Variants in RYR3 observed in about 807,000 individuals in gnomAD.
RYR3 encodes the protein ryanodine receptor 3.
A neutral mutation model predicts 584.3 loss-of-function variants in RYR3; 207 were observed. The ratio of observed to expected loss-of-function variants is 0.35; its 90% CI spans 0.32 to 0.40. RYR3 has a LOEUF of 0.40. RYR3 is among the 10% of genes least tolerant of loss of function. The probability of loss-of-function intolerance (pLI) is 1.00; values close to 1 mark genes in which losing one functional copy is unlikely to be tolerated. For synonymous variants in RYR3, 2,416 were observed against 2,248.5 expected, an observed-to-expected ratio of 1.07 and a Z score of -2.11; for missense variants, 5,616 against 6,089.2, an observed-to-expected ratio of 0.92 and a Z score of 2.59.
rs2152874195 is a variant in RYR3, at chr15:33,764,176, C to T, written c.8706-4482C>T. 2.0e-5 allele frequency among the ~76,000 whole-genome samples: 3 copies of T among 152,200 alleles called. 1 individual carries two copies. Among genetic ancestry groups the T allele is most frequent in the Admixed American group, 2.0e-4 (3 of 15,282 alleles). ...ACAATAGCAAAGACTTGGAACCAAC[C>T]CAGATGCCCATCAGTGATAGACTGG... On this transcript the variant is annotated intron_variant, in intron 60 of 103. Transcript: ENST00000634891.
At chr15:33,496,549 G>A (rs1263228968) in intron 2 of RYR3, among the ~76,000 whole-genome samples, 1 of 152,086 alleles carries the variant, frequency 6.6e-6, no homozygotes, top group Admixed American at 6.5e-5. Flanking sequence ...AAGCAAAGGG[G>A]GGAGACAAGG....
chr15:33,439,835 ATAT>A (rs1567240064), intron 1 of RYR3, among the ~76,000 whole-genome samples: 1 of 152,252 alleles, frequency 6.6e-6, no homozygotes, highest in African/African-American at 2.4e-5. Flanking sequence ...AGTTATGGTA[ATAT>A]TATCTATCAT....
At chr15:33,861,037 T>G (rs1179779678) in intron 101 of RYR3, 41 bp from the exon 102 acceptor site, 5 of 1,408,942 alleles carry the variant, frequency 3.5e-6, no homozygotes, top group Non-Finnish European at 4.9e-6. Context: ...CCTGCCTATA[T>G]TATGCCAACA....
chr15:33,619,624 T>C (rs1226423508), intron 19 of RYR3, among the ~76,000 whole-genome samples: 1 of 152,210 alleles, frequency 6.6e-6, no homozygotes. Context: ...AAGAACAATT[T>C]TGTCAGTAAT....
chr15:33,364,350 G>A (rs572218802), intron 1 of RYR3, among the ~76,000 whole-genome samples: 4 of 152,124 alleles, frequency 2.6e-5, no homozygotes, highest in South Asian at 4.2e-4. Context: ...TGGAACAAAA[G>A]GCTTCTATAG....
At chr15:33,812,618 C>T (rs1268373577) in intron 72 of RYR3, among the ~76,000 whole-genome samples, 5 of 151,686 alleles carry the variant, frequency 3.3e-5, no homozygotes, top group African/African-American at 1.2e-4. Context: ...GGAAATCATC[C>T]AAAATGCAAC....
intron 1 of RYR3, among the ~76,000 whole-genome samples, chr15:33,433,522 AAGAT>A (rs1263383736): frequency 6.6e-6 from 1 of 151,804 alleles, no homozygotes; most frequent in Non-Finnish European, 1.5e-5. Context: ...ACAATTAGGG[AAGAT>A]AGATTAGTAA....
At chr15:33,481,943 T>A (rs1028827967) in intron 2 of RYR3, among the ~76,000 whole-genome samples, 9 of 152,100 alleles carry the variant, frequency 5.9e-5, no homozygotes, top group Admixed American at 5.9e-4. Flanking sequence ...AACACATTTT[T>A]ATTTTTGTTT....
chr15:33,324,396 A>G (rs1440013599), intron 1 of RYR3, among the ~76,000 whole-genome samples: 2 of 152,216 alleles, frequency 1.3e-5, no homozygotes, highest in East Asian at 3.8e-4. Context: ...ACAGAGTCCA[A>G]ACATCACTAA....
At chr15:33,598,688 G>C (rs1355219044) in intron 16 of RYR3, among the ~76,000 whole-genome samples, 5 of 151,436 alleles carry the variant, frequency 3.3e-5, no homozygotes, top group African/African-American at 1.2e-4. Flanking sequence ...CCATAAAGGA[G>C]TTACCTGCCT....
intron 99 of RYR3, 169 bp downstream of exon 99, chr15:33,858,083 G>C (rs2079893567): frequency 1.1e-6 from 1 of 903,536 alleles, no homozygotes; most frequent in African/African-American, 1.7e-5. Flanking sequence ...AAACAGGAGA[G>C]TGTCCTGGGA....
chr15:33,511,935 C>T (rs1056457279), intron 3 of RYR3, among the ~76,000 whole-genome samples: 1 of 152,096 alleles, frequency 6.6e-6, no homozygotes, highest in Non-Finnish European at 1.5e-5. Context: ...CCCGCCACCA[C>T]GCCCGGCTAA....
chr15:33,516,929 T>C (rs1198005176), intron 3 of RYR3, among the ~76,000 whole-genome samples: 1 of 152,146 alleles, frequency 6.6e-6, no homozygotes, highest in African/African-American at 2.4e-5. Context: ...TGGGTTACCA[T>C]GTTTACAGAA....
At chr15:33,372,084 A>G (rs2040372603) in intron 1 of RYR3, among the ~76,000 whole-genome samples, 1 of 152,134 alleles carries the variant, frequency 6.6e-6, no homozygotes, top group Admixed American at 6.5e-5. Flanking sequence ...TGTGCTGACT[A>G]CTCTATATGA....
At chr15:33,594,849 T>C (rs2059295669) in intron 16 of RYR3, among the ~76,000 whole-genome samples, 2 of 152,210 alleles carry the variant, frequency 1.3e-5, no homozygotes. Flanking sequence ...AATTTTAAAA[T>C]GACAATTATG....
chr15:33,641,582 G>T (rs901453390), intron 27 of RYR3, among the ~76,000 whole-genome samples: 3 of 152,146 alleles, frequency 2.0e-5, no homozygotes, highest in African/African-American at 4.8e-5. Flanking sequence ...TTATCGAATC[G>T]TTTTCTCCAA....
chr15:33,739,405 C>T (rs1488684901), intron 50 of RYR3, among the ~76,000 whole-genome samples: 2 of 152,124 alleles, frequency 1.3e-5, no homozygotes, highest in Non-Finnish European at 2.9e-5. Flanking sequence ...ATGATGTCAA[C>T]ATATGACCCA....
intron 18 of RYR3, among the ~76,000 whole-genome samples, chr15:33,612,639 C>G (rs966732444): frequency 2.0e-5 from 3 of 152,224 alleles, no homozygotes; most frequent in Non-Finnish European, 4.4e-5. Context: ...GGATTACAGG[C>G]GTGAGCCACT....
chr15:33,780,855 T>C (rs1056257250), intron 65 of RYR3, among the ~76,000 whole-genome samples: 12 of 152,220 alleles, frequency 7.9e-5, no homozygotes, highest in African/African-American at 2.7e-4. Context: ...AGAATATTTC[T>C]TAGCAAACAT....
Sources: gnomAD v4.1 joint callset for allele counts (sites outside exome capture counted in the v4.1 genomes callset) on GRCh38, gnomAD v4.1.1 for gene constraint, MANE v1.5 for transcripts, NCBI Gene and HGNC (gene_info 2026-07-23, HGNC 2026-07-21) for gene names.